Variants in PTPRM observed in about 807,000 individuals in gnomAD.
PTPRM encodes the protein protein tyrosine phosphatase receptor type M.
PTPRM carries 47 observed loss-of-function variants against 186.7 expected under a neutral mutation model. The ratio of observed to expected loss-of-function variants is 0.25; its 90% CI spans 0.20 to 0.32. The LOEUF (loss-of-function observed/expected upper bound fraction) is 0.32. PTPRM is among the 10% of genes least tolerant of loss of function. The pLI is 1.00. For missense variants in PTPRM, 1,494 were observed against 1,865.0 expected, an observed-to-expected ratio of 0.80 and a Z score of 3.66; for synonymous variants, 668 against 674.9, an observed-to-expected ratio of 0.99 and a Z score of 0.16.
intron 5 of PTPRM, among the ~76,000 whole-genome samples, chr18:7,941,936 T>C (rs1237254300): frequency 6.6e-6 from 1 of 152,204 alleles, no homozygotes; most frequent in Non-Finnish European, 1.5e-5. Context: ...CATCACAAGG[T>C]TTATGGCTGA....
At chr18:8,116,418 A>G (rs1158333908) in intron 13 of PTPRM, among the ~76,000 whole-genome samples, 1 of 152,194 alleles carries the variant, frequency 6.6e-6, no homozygotes, top group Non-Finnish European at 1.5e-5. Flanking sequence ...GAAAAGGTGT[A>G]TTTTTGGAGA....
Position 8,016,538 on chromosome 18 carries a change from AAAAAAAAAG to A in PTPRM, c.1133-53134_1133-53126del, listed in dbSNP as rs1387870273. On this transcript the variant is annotated intron_variant, in intron 7 of 32. Transcript: ENST00000580170. ...ACAGAGCAAGAGTCTGTCAAAAAAAAAAAAAAAAGAAAAAAAAGAAAAGAAAACACAAGA... is the reference window on the plus strand; with the variant it reads ...ACAGAGCAAGAGTCTGTCAAAAAAAAAAAAAAAAGAAAAGAAAACACAAGA... Among the ~76,000 whole-genome samples, 28 of 151,690 alleles carry A rather than the reference AAAAAAAAAG, an allele frequency of 1.8e-4. No individual in the cohort carries two copies. The East Asian group carries it at 3.7e-3, about 20-fold the overall frequency.
At chr18:8,098,516 A>G (rs998719164) in intron 11 of PTPRM, among the ~76,000 whole-genome samples, 3 of 152,120 alleles carry the variant, frequency 2.0e-5, no homozygotes, top group Non-Finnish European at 2.9e-5. Flanking sequence ...TTTAAATTAT[A>G]TTTTCATCCC....
intron 1 of PTPRM, among the ~76,000 whole-genome samples, chr18:7,767,291 A>G (rs755860903): frequency 5.3e-5 from 8 of 152,230 alleles, no homozygotes; most frequent in Non-Finnish European, 1.0e-4. Flanking sequence ...AGAATGATAA[A>G]TATTTGTATA....
chr18:8,157,564 G>A (rs1006215866), intron 14 of PTPRM, among the ~76,000 whole-genome samples: 7 of 152,198 alleles, frequency 4.6e-5, no homozygotes, highest in African/African-American at 1.7e-4. Flanking sequence ...TTACCTTAAG[G>A]CCATGCCTTG....
chr18:8,041,880 TA>T (rs1327679793), intron 7 of PTPRM, among the ~76,000 whole-genome samples: 2 of 152,244 alleles, frequency 1.3e-5, no homozygotes, highest in Admixed American at 1.3e-4. Context: ...TGTCTCTCTT[TA>T]GAACTCTCTA....
intron 1 of PTPRM, among the ~76,000 whole-genome samples, chr18:7,707,096 T>A (rs1244486393): frequency 1.3e-5 from 2 of 152,190 alleles, no homozygotes; most frequent in East Asian, 3.8e-4. Context: ...GGAGGTAGTT[T>A]TTAAAACCTG....
intron 7 of PTPRM, among the ~76,000 whole-genome samples, chr18:8,003,142 C>T (rs1294625241): frequency 6.6e-6 from 1 of 152,116 alleles, no homozygotes; most frequent in African/African-American, 2.4e-5. Context: ...TAATAATCCC[C>T]ACATGTCAAG....
chr18:8,332,210 T>G (rs2095415527), intron 22 of PTPRM, among the ~76,000 whole-genome samples: 1 of 152,228 alleles, frequency 6.6e-6, no homozygotes, highest in Admixed American at 6.5e-5. Context: ...CATAATCATT[T>G]TAATTGAATA....
intron 14 of PTPRM, among the ~76,000 whole-genome samples, chr18:8,237,191 T>C (rs1010502301): frequency 7.9e-5 from 12 of 152,196 alleles, no homozygotes; most frequent in Non-Finnish European, 1.8e-4. Context: ...GTTACTCATT[T>C]CACTTGTCTA....
chr18:7,683,163 AT>A (rs761087539), intron 1 of PTPRM, among the ~76,000 whole-genome samples: 17,773 of 123,216 alleles, frequency 0.14, 1,541 homozygotes, highest in East Asian at 0.36. Flanking sequence ...TTGGCTTGCC[AT>A]TTTTTTTTTT....
chr18:7,958,334 A>T (rs2053452182), intron 7 of PTPRM, among the ~76,000 whole-genome samples: 1 of 152,066 alleles, frequency 6.6e-6, no homozygotes. Flanking sequence ...TCTCACATTT[A>T]TTTCTAGTTC....
intron 2 of PTPRM, among the ~76,000 whole-genome samples, chr18:7,847,791 C>G (rs2046670581): frequency 6.6e-6 from 1 of 152,214 alleles, no homozygotes; most frequent in South Asian, 2.1e-4. Context: ...GATGTATTCA[C>G]TGTTACCAAG....
intron 11 of PTPRM, among the ~76,000 whole-genome samples, chr18:8,105,972 A>G (rs1211750529): frequency 1.3e-5 from 2 of 152,194 alleles, no homozygotes; most frequent in African/African-American, 2.4e-5. Context: ...GGAAAGAGAG[A>G]GGAGAACAAA....
intron 4 of PTPRM, among the ~76,000 whole-genome samples, chr18:7,914,805 G>A (rs1039921449): frequency 1.3e-5 from 2 of 152,108 alleles, no homozygotes; most frequent in African/African-American, 2.4e-5. Flanking sequence ...GTACCAGGCT[G>A]TTCTTTTTGG....
At chr18:7,590,703 A>T (rs2037103404) in intron 1 of PTPRM, among the ~76,000 whole-genome samples, 1 of 152,236 alleles carries the variant, frequency 6.6e-6, no homozygotes, top group Admixed American at 6.5e-5. Flanking sequence ...GTGATGTGGG[A>T]CAAAAACTAG....
chr18:8,034,474 A>G (rs541806116), intron 7 of PTPRM, among the ~76,000 whole-genome samples: 80 of 152,296 alleles, frequency 5.3e-4, no homozygotes, highest in African/African-American at 1.8e-3. Flanking sequence ...CTAAAAAAAA[A>G]GTTATCTGCT....
chr18:8,063,101 A>G (rs1166205095), intron 7 of PTPRM, among the ~76,000 whole-genome samples: 2 of 151,502 alleles, frequency 1.3e-5, no homozygotes, highest in African/African-American at 4.9e-5. Flanking sequence ...TGTGCTGGCA[A>G]TCAGCGAGAC....
At chr18:7,578,116 A>G (rs2036737844) in intron 1 of PTPRM, among the ~76,000 whole-genome samples, 1 of 151,910 alleles carries the variant, frequency 6.6e-6, no homozygotes, top group Non-Finnish European at 1.5e-5. Context: ...GTGTTATTTC[A>G]TTTTAAAATA....
Sources: gnomAD v4.1 joint callset for allele counts (sites outside exome capture counted in the v4.1 genomes callset) on GRCh38, gnomAD v4.1.1 for gene constraint, MANE v1.5 for transcripts, NCBI Gene and HGNC (gene_info 2026-07-23, HGNC 2026-07-21) for gene names.